USH1C: variants seen among roughly 807,000 people sequenced by gnomAD.
The protein encoded by USH1C is harmonin.
In USH1C, 90 loss-of-function variants were observed where a neutral mutation model predicts 119.3. The observed-to-expected ratio is 0.75, with a 90% CI of 0.64 to 0.90. The LOEUF is 0.90. Among genes scored for constraint, USH1C ranks in the 40% least tolerant of loss-of-function variants. The pLI is 0.00. For synonymous variants in USH1C, 465 were observed against 443.3 expected, an observed-to-expected ratio of 1.05 and a Z score of -0.62; for missense variants, 1,165 against 1,167.7, an observed-to-expected ratio of 1.00 and a Z score of 0.03.
At chr11:17,499,779 T>C (rs527935958) in intron 23 of USH1C, among the ~76,000 whole-genome samples, 1 of 152,330 alleles carries the variant, frequency 6.6e-6, no homozygotes, top group Admixed American at 6.5e-5. Flanking sequence ...CTCACCTTAG[T>C]AACCCACAGA....
Position 17,521,413 on chromosome 11 carries a change from T to G in USH1C, c.1020-2A>C, listed in dbSNP as rs147956944. Reference sequence around the variant, plus strand: ...TTCTGGGCAATTTCTTTTCTCCTTCTGAAACACAAATGCAGATTGGCATGT... The same window carrying G: ...TTCTGGGCAATTTCTTTTCTCCTTCGGAAACACAAATGCAGATTGGCATGT... On this transcript the variant is annotated splice_acceptor_variant, in intron 12 of 26. Transcript: ENST00000005226. LOFTEE classifies it high-confidence loss of function. The G allele has an allele frequency of 1.2e-6, 2 of 1,614,126 alleles. No homozygotes were observed. The highest frequency in any genetic ancestry group is 1.7e-6 in the Non-Finnish European group (2 of 1,179,970).
chr11:17,520,983 T>A lies in USH1C; in HGVS notation c.1097A>T (p.Glu366Val). 1 of 1,614,038 alleles carries A rather than the reference T, an allele frequency of 6.2e-7. No individual in the cohort carries two copies. The highest frequency in any genetic ancestry group is 8.5e-7 in the Non-Finnish European group (1 of 1,179,976). Residue 366 changes from glutamate to valine, a missense_variant, in exon 14 of 27, where the codon GAG becomes GTG. By Grantham distance (121) the Glu-to-Val change is moderately radical. Transcript: ENST00000005226. ...CCATTGCTTCTTAAACTTCTCTTCC[T>A]CCTCTACAATCCTAAAATGAGACCC... ...YRKEMEQIVE[E>V]EEKFKKQWEE... is the part of the protein sequence containing the mutation.
intron 12 of USH1C, 86 bp from the exon 13 acceptor site, chr11:17,521,497 A>G: frequency 3.3e-6 from 5 of 1,493,006 alleles, no homozygotes; most frequent in Non-Finnish European, 4.7e-6. Flanking sequence ...TTTGGAGAAA[A>G]GTTGGATTTT....
Position 17,498,149 on chromosome 11 carries a change from G to A in USH1C, c.2490+13C>T. 6.2e-7 allele frequency: 1 copy of A among 1,610,692 alleles called. No homozygotes were observed. The highest frequency in any genetic ancestry group is 8.5e-7 in the Non-Finnish European group (1 of 1,176,844). On this transcript the variant is annotated intron_variant, in intron 24 of 26. Coordinates refer to ENST00000005226, the MANE Select transcript of USH1C (RefSeq NM_153676.4). ...AGGTGAGGGAGGAAAGGAGGGAGGG[G>A]CCTTATTCTTACCCCGCCCTGATTC...
chr11:17,511,382 A>G (rs1849884375), intron 16 of USH1C, among the ~76,000 whole-genome samples: 1 of 152,118 alleles, frequency 6.6e-6, no homozygotes, highest in South Asian at 2.1e-4. Context: ...GGGAGGCCAG[A>G]GTGATTCAGA....
intron 1 of USH1C, among the ~76,000 whole-genome samples, chr11:17,540,846 T>G (rs1286725220): frequency 2.0e-5 from 3 of 152,170 alleles, no homozygotes; most frequent in Non-Finnish European, 4.4e-5. Context: ...CTCAGTGGAT[T>G]CTCTACAGAG....
chr11:17,512,016 C>T lies in USH1C; in HGVS notation c.1299G>A (p.Leu433=), dbSNP rs1849914823. The T allele has an allele frequency of 1.2e-6, 2 of 1,614,240 alleles. No individual in the cohort carries two copies. Among genetic ancestry groups the T allele is most frequent in the Non-Finnish European group, 1.7e-6 (2 of 1,180,048 alleles). The change falls in exon 16 of 27, where the codon CTG becomes CTA. Residue 433 remains leucine (L), a synonymous_variant. Transcript: ENST00000005226. Reference sequence around the variant, plus strand: ...CTTTCTTATTCTTTCTCAAGTCCTGCAGGCTGCCATACTTGGCTTTCTTCT... The same window carrying T: ...CTTTCTTATTCTTTCTCAAGTCCTGTAGGCTGCCATACTTGGCTTTCTTCT... ...KDKKKAKYGS[L]QDLRKNKKEL... is the part of the protein sequence containing the mutation.
Position 17,494,237 on chromosome 11 carries a change from G to A in USH1C, c.*95C>T, listed in dbSNP as rs552838747. ...TGAGATTCCTGGGTGATAGATTCAGGTCCCAAGGATGCCATCTGGTGTGTG... is the reference window on the plus strand; with the variant it reads ...TGAGATTCCTGGGTGATAGATTCAGATCCCAAGGATGCCATCTGGTGTGTG... On this transcript the variant is annotated 3_prime_UTR_variant, in exon 27 of 27. Transcript: ENST00000005226. 91 of 1,429,920 alleles carry A rather than the reference G, an allele frequency of 6.4e-5. No individual in the cohort carries two copies. The East Asian group carries it at 2.2e-3, about 35-fold the overall frequency. The allele number at this position is 1,429,920 out of a possible 1,614,324, so 88.6% of individuals were successfully genotyped here.
intron 8 of USH1C, among the ~76,000 whole-genome samples, chr11:17,524,809 G>T (rs536702940): frequency 1.3e-5 from 2 of 152,052 alleles, no homozygotes; most frequent in Non-Finnish European, 2.9e-5. Flanking sequence ...AGACTCAAAT[G>T]CTATCCCTTC....
chr11:17,535,775 T>C (rs1447690850), intron 1 of USH1C, among the ~76,000 whole-genome samples: 1 of 152,110 alleles, frequency 6.6e-6, no homozygotes, highest in Non-Finnish European at 1.5e-5. Context: ...CATTTGTTTA[T>C]CACATTGGGG....
intron 1 of USH1C, 89 bp from the exon 2 acceptor site, chr11:17,533,411 C>A: frequency 2.2e-6 from 2 of 904,884 alleles, no homozygotes; most frequent in East Asian, 5.6e-5. Context: ...CCCCAAGGGC[C>A]TCCCCAGCAG....
chr11:17,494,466 C>T, intron 26 of USH1C, 90 bp from the exon 27 acceptor site: 2 of 1,435,730 alleles, frequency 1.4e-6, no homozygotes, highest in East Asian at 2.5e-5. Flanking sequence ...AGGGGGAGTA[C>T]CCACTCTGGC....
In USH1C at chr11:17,505,877, G is replaced by C; in HGVS notation, c.2086C>G (p.Gln696Glu). The C allele has an allele frequency of 6.2e-7, 1 of 1,614,192 alleles. No homozygotes were observed. The highest frequency in any genetic ancestry group is 8.5e-7 in the Non-Finnish European group (1 of 1,180,022). ...STISKPVMVHQEPNFIYRPAV... is the reference protein window; with the variant it reads ...STISKPVMVHEEPNFIYRPAV... ...GGCCTGTAGATGAAATTGGGCTCCT[G>C]GTGGACCATGACAGGTTTGGAGATG... Residue 696 changes from glutamine (Q) to glutamate (E), a missense_variant, in exon 19 of 27, where the codon CAG becomes GAG. Transcript: ENST00000005226.
rs756708303 is a variant in USH1C, at chr11:17,496,738, AG to A, written c.2546+19del. 5 of 1,614,090 alleles carry A rather than the reference AG, an allele frequency of 3.1e-6. No homozygotes were observed. The East Asian group carries it at 1.1e-4, about 36-fold the overall frequency. On this transcript the variant is annotated intron_variant, in intron 25 of 26. Transcript: ENST00000005226. ...GAGAAGGAAGAAGAGGTCTCAGGCT[AG>A]GTGCTTGCACACACTTACAGCTCAT...
At position 17,516,235 on chromosome 11, in the gene USH1C, T is replaced by C. The variant is rs1240425986; in HGVS notation, c.1260+6A>G. 6.2e-7 allele frequency: 1 copy of C among 1,613,740 alleles called. No homozygotes were observed. The highest frequency in any genetic ancestry group is 2.2e-5 in the East Asian group (1 of 44,884). On this transcript the variant is annotated splice_donor_region_variant and intron_variant, in intron 15 of 26. Coordinates refer to ENST00000005226, the MANE Select transcript of USH1C (RefSeq NM_153676.4). ...CACACCAGCACAGCACCCAACCCTG[T>C]CCTACCTTCCGGATGGTTGGGAATT...
intron 19 of USH1C, among the ~76,000 whole-genome samples, chr11:17,505,219 G>A (rs1205087857): frequency 1.3e-5 from 2 of 152,266 alleles, no homozygotes; most frequent in Non-Finnish European, 2.9e-5. Context: ...ACAGTGAGAG[G>A]TGAGAAGTAA....
intron 25 of USH1C, among the ~76,000 whole-genome samples, chr11:17,496,306 G>T (rs547593318): frequency 2.0e-5 from 3 of 152,182 alleles, no homozygotes; most frequent in Non-Finnish European, 4.4e-5. Flanking sequence ...ATCCCACAGC[G>T]TGGGGACAAA....
At chr11:17,526,278 G>T in intron 8 of USH1C, 69 bp downstream of exon 8, 1 of 1,325,740 alleles carries the variant, frequency 7.5e-7, no homozygotes, top group South Asian at 1.2e-5. Context: ...CAGTGAGGAA[G>T]GGGAGGGCAA....
intron 4 of USH1C, among the ~76,000 whole-genome samples, chr11:17,529,045 C>T (rs1850840705): frequency 6.6e-6 from 1 of 152,192 alleles, no homozygotes; most frequent in Non-Finnish European, 1.5e-5. Flanking sequence ...AGTGGTGTCT[C>T]TTGGGTGTCT....
Sources: gnomAD v4.1 joint callset for allele counts (sites outside exome capture counted in the v4.1 genomes callset) on GRCh38, gnomAD v4.1.1 for gene constraint, MANE v1.5 for transcripts, NCBI Gene and HGNC (gene_info 2026-07-23, HGNC 2026-07-21) for gene names.